PPP6R3: variants seen among roughly 807,000 people sequenced by gnomAD.
PPP6R3 encodes serine/threonine-protein phosphatase 6 regulatory subunit 3.
In PPP6R3, 38 loss-of-function variants were observed where a neutral mutation model predicts 110.7. The observed-to-expected ratio is 0.34, with a 90% CI of 0.26 to 0.45. The LOEUF is 0.45. PPP6R3 is among the 20% of genes least tolerant of loss of function. The probability of loss-of-function intolerance (pLI) is 1.00; values close to 1 mark genes in which losing one functional copy is unlikely to be tolerated. For synonymous variants in PPP6R3, 369 were observed against 373.5 expected (o/e 0.99, Z 0.14); for missense variants, 870 against 1,062.4 (o/e 0.82, Z 2.52).
In PPP6R3 at chr11:68,613,800, A is replaced by T; in HGVS notation, c.*683A>T. The T allele has an allele frequency of 2.0e-6, 2 of 985,144 alleles. No homozygotes were observed. Among genetic ancestry groups the T allele is most frequent in the Non-Finnish European group, 2.4e-6 (2 of 829,290 alleles). 61.0% of individuals were successfully genotyped at this position (985,144 alleles called of 1,614,324 possible). A position where few individuals can be genotyped will look rare whatever the true frequency, so the allele number is the denominator to read the frequency against. On this transcript the variant is annotated 3_prime_UTR_variant, in exon 24 of 24. Transcript: ENST00000393800. ...ATAGTTGATAAATTGATGTTATCGT[A>T]AAGCCATATGTTCTGTTCAAGTCTT...
At position 68,614,605 on chromosome 11, in the gene PPP6R3, A is replaced by C. The variant is rs1267803580; in HGVS notation, c.*1488A>C. The C allele has an allele frequency of 1.4e-6, 2 of 1,452,858 alleles. No individual in the cohort carries two copies. The highest frequency in any genetic ancestry group is 9.2e-7 in the Non-Finnish European group (1 of 1,084,594). 90.0% of individuals were successfully genotyped at this position (1,452,858 alleles called of 1,614,324 possible). A position where few individuals can be genotyped will look rare whatever the true frequency, so the allele number is the denominator to read the frequency against. ...AGAATCAAACGTCTAATGCCTTATTATTTCTGATTTCCTTTTTCATTTTAA... is the reference window on the plus strand; with the variant it reads ...AGAATCAAACGTCTAATGCCTTATTCTTTCTGATTTCCTTTTTCATTTTAA... On this transcript the variant is annotated 3_prime_UTR_variant, in exon 24 of 24. Coordinates refer to ENST00000393800, the MANE Select transcript of PPP6R3 (RefSeq NM_001164161.2).
chr11:68,573,945 G>A (rs1255683366), intron 12 of PPP6R3, among the ~76,000 whole-genome samples, 164 bp from the exon 13 acceptor site: 2 of 152,080 alleles, frequency 1.3e-5, no homozygotes, highest in East Asian at 1.9e-4. Flanking sequence ...GTCATATTCT[G>A]GCACCTTCCA....
intron 8 of PPP6R3, among the ~76,000 whole-genome samples, chr11:68,559,868 G>A (rs1593144545): frequency 8.5e-6 from 1 of 117,682 alleles, no homozygotes; most frequent in Admixed American, 9.5e-5. Context: ...GCGGTACGGT[G>A]CCCTCTTCCC....
At chr11:68,475,934 C>G (rs1355540872) in intron 1 of PPP6R3, among the ~76,000 whole-genome samples, 1 of 151,476 alleles carries the variant, frequency 6.6e-6, no homozygotes, top group Non-Finnish European at 1.5e-5. Flanking sequence ...TCCTCACTTC[C>G]TAGACGGGAT....
chr11:68,545,693 C>A (rs2099346605), intron 4 of PPP6R3, among the ~76,000 whole-genome samples: 1 of 152,216 alleles, frequency 6.6e-6, no homozygotes, highest in Admixed American at 6.5e-5. Flanking sequence ...CCTGCTGAAT[C>A]AGAAACTCTG....
At chr11:68,566,237 GGCT>G (rs59680768) in intron 9 of PPP6R3, among the ~76,000 whole-genome samples, 200 of 151,226 alleles carry the variant, frequency 1.3e-3, no homozygotes, top group African/African-American at 4.4e-3. Flanking sequence ...CCACCACCAC[GGCT>G]GCTGCTGCTG....
In PPP6R3 at chr11:68,478,024, A is replaced by C. The variant is rs111660218; in HGVS notation, c.-158+17197A>C. 4.7e-5 allele frequency among the ~76,000 whole-genome samples: 7 copies of C among 149,516 alleles called. 2 individuals carry two copies. Among genetic ancestry groups the C allele is most frequent in the African/African-American group, 1.7e-4 (7 of 40,386 alleles). On this transcript the variant is annotated intron_variant, in intron 1 of 23. Coordinates refer to ENST00000393800, the MANE Select transcript of PPP6R3 (RefSeq NM_001164161.2). The stretch of plus-strand genomic sequence containing the variant: ...GAGTGCAGTGGCGTGATCTTGGCTC[A>C]CTGCAACCTCTGCCTTCCGGTTTCA...
intron 9 of PPP6R3, 55 bp downstream of exon 9, chr11:68,564,487 C>T: frequency 6.3e-7 from 1 of 1,589,554 alleles, no homozygotes; most frequent in Non-Finnish European, 8.6e-7. Context: ...TTGAAACAGT[C>T]ATTCGAATGT....
At chr11:68,530,452 G>A (rs2099231766) in intron 2 of PPP6R3, among the ~76,000 whole-genome samples, 1 of 152,208 alleles carries the variant, frequency 6.6e-6, no homozygotes. Flanking sequence ...TTCTTGGGTG[G>A]AAGCAGCTGC....
chr11:68,540,153 G>T (rs2099304515), intron 3 of PPP6R3, among the ~76,000 whole-genome samples: 1 of 152,250 alleles, frequency 6.6e-6, no homozygotes, highest in Non-Finnish European at 1.5e-5. Flanking sequence ...GGATGAGATG[G>T]GAAGCCACCA....
In PPP6R3 at chr11:68,613,990, C is replaced by T; in HGVS notation, c.*873C>T. On this transcript the variant is annotated 3_prime_UTR_variant, in exon 24 of 24. Coordinates refer to ENST00000393800, the MANE Select transcript of PPP6R3 (RefSeq NM_001164161.2). ...CTTTTAACCCATTCACCAAAATTTA[C>T]CTTGTTAACAAGCATCACCAATGAA... is the stretch of plus-strand genomic sequence containing the variant. 3.0e-6 allele frequency: 3 copies of T among 983,730 alleles called. No homozygotes were observed. Among genetic ancestry groups the T allele is most frequent in the Non-Finnish European group, 3.6e-6 (3 of 829,618 alleles). The allele number at this position is 983,730 out of a possible 1,614,324, so 60.9% of individuals were successfully genotyped here.
chr11:68,596,324 A>G, intron 19 of PPP6R3, 106 bp downstream of exon 19: 1 of 1,493,904 alleles, frequency 6.7e-7, no homozygotes, highest in Non-Finnish European at 9.2e-7. Context: ...TCTGAAGGAA[A>G]GGTTGGGTTG....
At chr11:68,549,935 C>T (rs1290674084) in intron 5 of PPP6R3, among the ~76,000 whole-genome samples, 2 of 152,152 alleles carry the variant, frequency 1.3e-5, no homozygotes, top group African/African-American at 2.4e-5. Flanking sequence ...GTGGAGACAG[C>T]AGGAGTCTGG....
At chr11:68,531,734 C>T (rs1241071215) in intron 2 of PPP6R3, among the ~76,000 whole-genome samples, 2 of 152,110 alleles carry the variant, frequency 1.3e-5, no homozygotes, top group Admixed American at 1.3e-4. Flanking sequence ...TATGTTGGTG[C>T]CTGTATGTTC....
intron 7 of PPP6R3, among the ~76,000 whole-genome samples, chr11:68,556,536 A>T (rs1003310888): frequency 3.9e-5 from 3 of 77,726 alleles, no homozygotes; most frequent in African/African-American, 9.9e-5. Flanking sequence ...ATTTCTCATT[A>T]AAAAAAAAAA....
chr11:68,497,204 G>A (rs1328428284), intron 1 of PPP6R3, among the ~76,000 whole-genome samples: 24 of 110,668 alleles, frequency 2.2e-4, no homozygotes, highest in African/African-American at 8.3e-4. Flanking sequence ...CCGCCACCAC[G>A]CCCGGCTAAT....
chr11:68,499,060 G>A (rs1324210288), intron 1 of PPP6R3, among the ~76,000 whole-genome samples: 1 of 151,822 alleles, frequency 6.6e-6, no homozygotes, highest in African/African-American at 2.4e-5. Context: ...TACGTTTATT[G>A]GTCATTTGGA....
chr11:68,558,462 G>C, intron 7 of PPP6R3, 104 bp from the exon 8 acceptor site: 1 of 685,584 alleles, frequency 1.5e-6, no homozygotes, highest in Non-Finnish European at 2.5e-6. Flanking sequence ...ATATGCCCAA[G>C]TATGAACTCT....
chr11:68,483,197 A>G (rs920471926), intron 1 of PPP6R3, among the ~76,000 whole-genome samples: 14 of 152,220 alleles, frequency 9.2e-5, no homozygotes, highest in Non-Finnish European at 2.1e-4. Context: ...TTTTCTTAGA[A>G]AAGTATTTTG....
Sources: gnomAD v4.1 joint callset for allele counts (sites outside exome capture counted in the v4.1 genomes callset) on GRCh38, gnomAD v4.1.1 for gene constraint, MANE v1.5 for transcripts, NCBI Gene and HGNC (gene_info 2026-07-23, HGNC 2026-07-21) for gene names.